The following EXOC6B variants were observed in gnomAD, a reference collection of about 807,000 sequenced individuals.
EXOC6B encodes the protein exocyst complex component 6B, also known as SEC15 homolog B.
A neutral mutation model predicts 113.5 loss-of-function variants in EXOC6B; 54 were observed. The ratio of observed to expected loss-of-function variants is 0.48; its 90% CI spans 0.38 to 0.60. EXOC6B has a LOEUF of 0.60. Among genes scored for constraint, EXOC6B ranks in the 20% least tolerant of loss-of-function variants. EXOC6B has a pLI of 0.00. For synonymous variants in EXOC6B, 357 were observed against 339.0 expected, an observed-to-expected ratio of 1.05 and a Z score of -0.58; for missense variants, 797 against 977.5, an observed-to-expected ratio of 0.82 and a Z score of 2.46.
chr2:72,303,280 C>T (rs768079809), intron 20 of EXOC6B, among the ~76,000 whole-genome samples: 20 of 152,150 alleles, frequency 1.3e-4, no homozygotes, highest in Admixed American at 7.2e-4. Context: ...GACTGTTGGC[C>T]TCCATAGTGA....
chr2:72,507,923 T>G (rs1270592911), intron 11 of EXOC6B, among the ~76,000 whole-genome samples: 1 of 142,344 alleles, frequency 7.0e-6, no homozygotes, highest in African/African-American at 2.6e-5. Context: ...CATTCCCAAA[T>G]GTATCAGGAA....
rs547422481 is a variant in EXOC6B at position 72,783,386 on chromosome 2, G to A, written c.114-41917C>T. Among the ~76,000 whole-genome samples the A allele has an allele frequency of 6.5e-4, 87 of 133,116 alleles. 1 individual carries two copies. Among genetic ancestry groups the A allele is most frequent in the African/African-American group, 2.1e-3 (77 of 35,846 alleles). The allele number at this position is 133,116 out of a possible 152,430, so 87.3% of individuals were successfully genotyped here. A position where few individuals can be genotyped will look rare whatever the true frequency, so the allele number is the denominator to read the frequency against. On this transcript the variant is annotated intron_variant, in intron 1 of 21. Coordinates refer to ENST00000272427, the MANE Select transcript of EXOC6B (RefSeq NM_015189.3). ...GTCGCCCAGGCTGGAGTGCAGTGGC[G>A]CAATCTCAACTCACTGCAACCTCCG...
At chr2:72,474,140 T>A (rs1449388088) in intron 17 of EXOC6B, among the ~76,000 whole-genome samples, 2 of 152,110 alleles carry the variant, frequency 1.3e-5, no homozygotes, top group African/African-American at 4.8e-5. Context: ...ACTGTTAGTC[T>A]GATGATGATT....
chr2:72,434,772 T>A (rs1695751818), intron 18 of EXOC6B, among the ~76,000 whole-genome samples: 1 of 152,156 alleles, frequency 6.6e-6, no homozygotes, highest in Non-Finnish European at 1.5e-5. Context: ...CATTTTTTAT[T>A]GTGTCTATTT....
chr2:72,534,066 T>C (rs190047995), intron 8 of EXOC6B, among the ~76,000 whole-genome samples: 3 of 152,230 alleles, frequency 2.0e-5, no homozygotes, highest in Admixed American at 1.3e-4. Context: ...CAGATTGGCA[T>C]AGTGAGACTC....
intron 18 of EXOC6B, among the ~76,000 whole-genome samples, chr2:72,409,709 G>A (rs948746175): frequency 1.4e-5 from 2 of 146,096 alleles, no homozygotes; most frequent in Non-Finnish European, 3.0e-5. Flanking sequence ...ACACACCGGG[G>A]CCTGCTGTGG....
Position 72,618,917 on chromosome 2 carries a change from T to C in EXOC6B, c.670-43249A>G, listed in dbSNP as rs143440818. ...GTTCTGAGACCCAAGTCTCAGCCAA[T>C]TAGCAACTGAAATTCCCTTGATAAC... is the stretch of plus-strand genomic sequence containing the variant. On this transcript the variant is annotated intron_variant, in intron 6 of 21. Coordinates refer to ENST00000272427, the MANE Select transcript of EXOC6B (RefSeq NM_015189.3). 5.9e-5 allele frequency among the ~76,000 whole-genome samples: 9 copies of C among 152,336 alleles called. No homozygotes were observed. The East Asian group carries it at 1.7e-3, about 29-fold the overall frequency.
At chr2:72,671,058 T>C (rs1675756050) in intron 6 of EXOC6B, among the ~76,000 whole-genome samples, 1 of 152,032 alleles carries the variant, frequency 6.6e-6, no homozygotes, top group South Asian at 2.1e-4. Context: ...ACTGTGAAAC[T>C]ACCAGAAAAA....
chr2:72,204,296 G>T (rs893059927), intron 20 of EXOC6B, among the ~76,000 whole-genome samples: 1 of 152,042 alleles, frequency 6.6e-6, no homozygotes, highest in East Asian at 1.9e-4. Flanking sequence ...ACCTCTCCCT[G>T]AGCTCCCCGC....
chr2:72,297,865 G>T (rs1445197177), intron 20 of EXOC6B, among the ~76,000 whole-genome samples: 1 of 151,990 alleles, frequency 6.6e-6, no homozygotes, highest in Admixed American at 6.6e-5. Context: ...GACTGTTTAT[G>T]ATTTCCATTC....
At chr2:72,286,760 T>C (rs977180656) in intron 20 of EXOC6B, among the ~76,000 whole-genome samples, 3 of 152,136 alleles carry the variant, frequency 2.0e-5, no homozygotes, top group African/African-American at 4.8e-5. Flanking sequence ...GTACCTAGGA[T>C]ATCTCTGTAT....
rs146272644 is a variant in EXOC6B, at chr2:72,224,872, G to GTA, written c.2197-40687_2197-40686dup. On this transcript the variant is annotated intron_variant, in intron 20 of 21. Coordinates refer to ENST00000272427, the MANE Select transcript of EXOC6B (RefSeq NM_015189.3). ...TATATATATATATGTATACGTAAGT[G>GTA]TATATATATATATACATCTATGTGT... Among the ~76,000 whole-genome samples the GTA allele has an allele frequency of 8.9e-4, 128 of 144,028 alleles. 1 individual carries two copies. Among genetic ancestry groups the GTA allele is most frequent in the African/African-American group, 2.2e-3 (87 of 40,016 alleles). 94.5% of individuals were successfully genotyped at this position (144,028 alleles called of 152,430 possible). A position where few individuals can be genotyped will look rare whatever the true frequency, so the allele number is the denominator to read the frequency against.
At chr2:72,421,465 T>A (rs948410273) in intron 18 of EXOC6B, among the ~76,000 whole-genome samples, 1 of 152,222 alleles carries the variant, frequency 6.6e-6, no homozygotes. Context: ...TTTTAATAAA[T>A]TCCAAAGCAA....
intron 20 of EXOC6B, among the ~76,000 whole-genome samples, chr2:72,203,362 A>G (rs1394357677): frequency 6.6e-6 from 1 of 152,176 alleles, no homozygotes; most frequent in Non-Finnish European, 1.5e-5. Flanking sequence ...CTTTAAGAAC[A>G]AGGATCTTTT....
At chr2:72,636,566 G>A (rs1672849625) in intron 6 of EXOC6B, among the ~76,000 whole-genome samples, 1 of 151,798 alleles carries the variant, frequency 6.6e-6, no homozygotes, top group Non-Finnish European at 1.5e-5. Context: ...AGAGAAAGAG[G>A]AAGAGGAAGA....
chr2:72,679,824 A>C (rs1399892430), intron 6 of EXOC6B, among the ~76,000 whole-genome samples: 1 of 152,236 alleles, frequency 6.6e-6, no homozygotes, highest in Non-Finnish European at 1.5e-5. Flanking sequence ...TGGTGGTATT[A>C]GCAATGGTGA....
chr2:72,528,951 T>C (rs1439317820), intron 8 of EXOC6B, among the ~76,000 whole-genome samples: 1 of 152,138 alleles, frequency 6.6e-6, no homozygotes, highest in African/African-American at 2.4e-5. Flanking sequence ...TACTGGATTC[T>C]TGAGGATTTT....
At chr2:72,205,384 C>T (rs1679777170) in intron 20 of EXOC6B, among the ~76,000 whole-genome samples, 1 of 151,456 alleles carries the variant, frequency 6.6e-6, no homozygotes, top group Non-Finnish European at 1.5e-5. Context: ...AAAGGATATT[C>T]CACTGAAGTA....
At chr2:72,681,715 A>T (rs1001586741) in intron 6 of EXOC6B, among the ~76,000 whole-genome samples, 59 of 147,146 alleles carry the variant, frequency 4.0e-4, no homozygotes, top group Admixed American at 3.5e-3. Flanking sequence ...TTTAATCTTT[A>T]AAAAAAAAAA....
Sources: allele counts gnomAD v4.1 joint callset (sites outside exome capture counted in the v4.1 genomes callset), GRCh38; gene constraint gnomAD v4.1.1; transcripts MANE v1.5; gene names NCBI Gene and HGNC (gene_info 2026-07-23, HGNC 2026-07-21).